The following SCHIP1 variants were observed in gnomAD, a reference collection of about 807,000 sequenced individuals.
SCHIP1 encodes the protein schwannomin-interacting protein 1.
A neutral mutation model predicts 29.7 loss-of-function variants in SCHIP1; 8 were observed. That is an observed-to-expected ratio of 0.27 (90% CI 0.16 to 0.49). The LOEUF (loss-of-function observed/expected upper bound fraction) is 0.49. Among genes scored for constraint, SCHIP1 ranks in the 20% least tolerant of loss-of-function variants. SCHIP1 has a pLI of 0.99. For missense variants in SCHIP1, 193 were observed against 294.6 expected (o/e 0.66, Z 2.52); for synonymous variants, 76 against 94.9 (o/e 0.80, Z 1.16).
chr3:159,551,107 G>C, the SCHIP1 span, among the ~76,000 whole-genome samples: 1 of 152,118 alleles, frequency 6.6e-6, no homozygotes, highest in Non-Finnish European at 1.5e-5. Flanking sequence ...ATTCTGTACA[G>C]ATGGATGGCT....
At chr3:159,485,358 T>C in the SCHIP1 span, among the ~76,000 whole-genome samples, 11 of 152,056 alleles carry the variant, frequency 7.2e-5, no homozygotes, top group African/African-American at 2.4e-4. Context: ...ATAACACACA[T>C]AGTACCAGGC....
the SCHIP1 span, among the ~76,000 whole-genome samples, chr3:159,344,987 G>T: frequency 2.0e-5 from 3 of 152,122 alleles, no homozygotes; most frequent in Non-Finnish European, 2.9e-5. Context: ...GGTGGCACAC[G>T]CCTGTAATCC....
At chr3:159,639,409 C>T in the SCHIP1 span, among the ~76,000 whole-genome samples, 1 of 152,040 alleles carries the variant, frequency 6.6e-6, no homozygotes, top group African/African-American at 2.4e-5. Context: ...TATTTTATTT[C>T]CTTTTTTTGG....
chr3:159,788,411 T>G, the SCHIP1 span, among the ~76,000 whole-genome samples: 26 of 152,214 alleles, frequency 1.7e-4, no homozygotes, highest in African/African-American at 6.3e-4. Flanking sequence ...AGCTGAAGAG[T>G]GGCCTGCCGA....
the SCHIP1 span, among the ~76,000 whole-genome samples, chr3:159,762,154 C>T: frequency 6.6e-6 from 1 of 152,186 alleles, no homozygotes; most frequent in Non-Finnish European, 1.5e-5. Flanking sequence ...ACAGCAATCT[C>T]AAAATCAAAC....
In SCHIP1 at chr3:159,859,401, C is replaced by T. The variant is rs1415638670; in HGVS notation, c.31-6762C>T. On this transcript the variant is annotated intron_variant, in intron 1 of 6. Coordinates refer to ENST00000445224, the Ensembl canonical transcript of SCHIP1. Reference sequence around the variant, plus strand: ...CATAATGTTTAAGAGCTTCAGACTCCTCACACTGTAATGCTACCTATAAAT... The same window carrying T: ...CATAATGTTTAAGAGCTTCAGACTCTTCACACTGTAATGCTACCTATAAAT... 1.3e-5 allele frequency among the ~76,000 whole-genome samples: 2 copies of T among 152,172 alleles called. 1 individual carries two copies. The highest frequency in any genetic ancestry group is 4.1e-4 in the South Asian group (2 of 4,824).
At chr3:159,367,694 C>G in the SCHIP1 span, among the ~76,000 whole-genome samples, 1 of 152,068 alleles carries the variant, frequency 6.6e-6, no homozygotes, top group African/African-American at 2.4e-5. Context: ...TTTTTTCTCT[C>G]TCACACAGAG....
intron 3 of SCHIP1, chr3:159,887,487 C>A: frequency 2.0e-6 from 1 of 504,194 alleles, no homozygotes; most frequent in South Asian, 3.0e-5. Context: ...AATATATTTC[C>A]CATTATTAAC....
chr3:159,480,002 T>G, the SCHIP1 span, among the ~76,000 whole-genome samples: 1 of 152,176 alleles, frequency 6.6e-6, no homozygotes, highest in Non-Finnish European at 1.5e-5. Flanking sequence ...ACTCAGCTAG[T>G]AAGTAGCCAA....
chr3:159,848,625 C>A (rs1487605050), intron 1 of SCHIP1, among the ~76,000 whole-genome samples: 1 of 151,694 alleles, frequency 6.6e-6, no homozygotes, highest in Non-Finnish European at 1.5e-5. Context: ...CTAGAGCAAC[C>A]CTTCTACACT....
the SCHIP1 span, among the ~76,000 whole-genome samples, chr3:159,585,392 G>A: frequency 3.3e-5 from 5 of 152,038 alleles, no homozygotes; most frequent in South Asian, 4.2e-4. Context: ...CAGGAGATTC[G>A]TTTCTTAGAG....
the SCHIP1 span, among the ~76,000 whole-genome samples, chr3:159,493,294 A>G: frequency 2.6e-5 from 4 of 152,320 alleles, no homozygotes; most frequent in South Asian, 2.1e-4. Context: ...CCAATTAAAA[A>G]GCACATACTG....
At chr3:159,856,391 C>T (rs1361632522) in intron 1 of SCHIP1, among the ~76,000 whole-genome samples, 1 of 152,060 alleles carries the variant, frequency 6.6e-6, no homozygotes, top group Non-Finnish European at 1.5e-5. Context: ...CTAAAGTGTG[C>T]AGCCATTTAG....
chr3:159,448,272 A>T, the SCHIP1 span, among the ~76,000 whole-genome samples: 1 of 152,068 alleles, frequency 6.6e-6, no homozygotes, highest in African/African-American at 2.4e-5. Flanking sequence ...AAAAATCGAG[A>T]CCATCCTGGC....
At chr3:159,577,531 TC>T in the SCHIP1 span, among the ~76,000 whole-genome samples, 1 of 152,166 alleles carries the variant, frequency 6.6e-6, no homozygotes, top group African/African-American at 2.4e-5. Context: ...CATTGACAAC[TC>T]CTTTTTATGT....
chr3:159,886,362 G>C, intron 3 of SCHIP1, 38 bp downstream of exon 4: 1 of 1,571,614 alleles, frequency 6.4e-7, no homozygotes. Flanking sequence ...TCGGTGTTGT[G>C]ATTTCCGGGC....
the SCHIP1 span, among the ~76,000 whole-genome samples, chr3:159,697,597 ACT>A: frequency 5.9e-5 from 9 of 152,296 alleles, no homozygotes; most frequent in South Asian, 1.0e-3. Context: ...TAATTAATTA[ACT>A]CTGTGAAATG....
At chr3:159,419,546 C>G in the SCHIP1 span, among the ~76,000 whole-genome samples, 14 of 152,180 alleles carry the variant, frequency 9.2e-5, no homozygotes, top group Non-Finnish European at 1.5e-4. Flanking sequence ...CGTTGACTCA[C>G]ACCTGTAATC....
the SCHIP1 span, among the ~76,000 whole-genome samples, chr3:159,636,117 C>T: frequency 6.6e-6 from 1 of 152,224 alleles, no homozygotes; most frequent in Non-Finnish European, 1.5e-5. Context: ...GGCACAATCT[C>T]AGCTCACTGC....
Sources: allele counts gnomAD v4.1 joint callset (sites outside exome capture counted in the v4.1 genomes callset), GRCh38; gene constraint gnomAD v4.1.1; transcripts MANE v1.5; gene names NCBI Gene and HGNC (gene_info 2026-07-23, HGNC 2026-07-21).